FRMD4B: variants seen among roughly 807,000 people sequenced by gnomAD.
The protein encoded by FRMD4B is FERM domain-containing protein 4B.
A neutral mutation model predicts 141.5 loss-of-function variants in FRMD4B; 74 were observed. The ratio of observed to expected loss-of-function variants is 0.52; its 90% CI spans 0.43 to 0.63. The LOEUF is 0.63. Among genes scored for constraint, FRMD4B ranks in the 30% least tolerant of loss-of-function variants. FRMD4B has a pLI of 0.00. For missense variants in FRMD4B, 1,366 were observed against 1,253.4 expected, an observed-to-expected ratio of 1.09 and a Z score of -1.36; for synonymous variants, 506 against 467.9, an observed-to-expected ratio of 1.08 and a Z score of -1.05.
chr3:69,282,395 CA>C (rs374424451), intron 5 of FRMD4B, among the ~76,000 whole-genome samples: 347 of 152,268 alleles, frequency 2.3e-3, no homozygotes, highest in African/African-American at 8.1e-3. Flanking sequence ...CCTGAGTTAA[CA>C]GCAGCTACCA....
intron 11 of FRMD4B, among the ~76,000 whole-genome samples, chr3:69,210,955 G>A (rs1257051139): frequency 7.0e-6 from 1 of 143,874 alleles, no homozygotes; most frequent in African/African-American, 2.5e-5. Context: ...AGGGGTTGCA[G>A]TGAGCTGAGC....
intron 17 of FRMD4B, among the ~76,000 whole-genome samples, chr3:69,191,593 C>CT (rs1382104869): frequency 6.6e-6 from 1 of 152,140 alleles, no homozygotes; most frequent in East Asian, 1.9e-4. Flanking sequence ...TGAAGGGAAG[C>CT]TCTCCAACCA....
chr3:69,382,821 C>T lies in FRMD4B; in HGVS notation c.162+3007G>A, dbSNP rs1046102730. ...GGCCTGAAACTGCTGTGATTATCTGCTATTGTGAGGGAAGAAACCAGCTGA... is the reference window on the plus strand; with the variant it reads ...GGCCTGAAACTGCTGTGATTATCTGTTATTGTGAGGGAAGAAACCAGCTGA... On this transcript the variant is annotated intron_variant, in intron 1 of 22. Coordinates refer to ENST00000398540, the MANE Select transcript of FRMD4B (RefSeq NM_015123.3). Among the ~76,000 whole-genome samples, 3 of 150,138 alleles carry T rather than the reference C, an allele frequency of 2.0e-5. No homozygotes were observed. In the Admixed American group the frequency reaches 2.0e-4, roughly 10 times the overall value.
chr3:69,468,169 T>A (rs78092325), intron 1 of FRMD4B, among the ~76,000 whole-genome samples: 1 of 150,450 alleles, frequency 6.6e-6, no homozygotes, highest in Non-Finnish European at 1.5e-5. Flanking sequence ...AGTTTTTTTT[T>A]AAATTACAGG....
chr3:69,368,367 C>G (rs1395779941), intron 1 of FRMD4B, among the ~76,000 whole-genome samples: 2 of 152,146 alleles, frequency 1.3e-5, no homozygotes, highest in Non-Finnish European at 2.9e-5. Context: ...GCTGTTCATC[C>G]CATTACAACA....
chr3:69,316,529 CT>C (rs2107256671), intron 1 of FRMD4B, among the ~76,000 whole-genome samples: 1 of 148,078 alleles, frequency 6.8e-6, no homozygotes, highest in South Asian at 2.1e-4. Context: ...TCTTTTTTTT[CT>C]GCTTTTCTAT....
chr3:69,301,693 T>C (rs993694182), intron 4 of FRMD4B, among the ~76,000 whole-genome samples: 1 of 152,212 alleles, frequency 6.6e-6, no homozygotes, highest in African/African-American at 2.4e-5. Context: ...AGTTCTATCA[T>C]GAGATGGATT....
chr3:69,262,397 G>T (rs561090239), intron 5 of FRMD4B, among the ~76,000 whole-genome samples: 1 of 151,132 alleles, frequency 6.6e-6, no homozygotes, highest in Admixed American at 6.6e-5. Context: ...TCAAAGACAG[G>T]CACTAGGATC....
chr3:69,395,439 G>A (rs1704457931), intron 2 of FRMD4B, among the ~76,000 whole-genome samples: 3 of 152,096 alleles, frequency 2.0e-5, no homozygotes. Context: ...GGCTTGCAAA[G>A]TATTAAAATA....
intron 4 of FRMD4B, among the ~76,000 whole-genome samples, chr3:69,289,112 A>C (rs1357022424): frequency 1.3e-5 from 2 of 152,200 alleles, no homozygotes; most frequent in Admixed American, 1.3e-4. Flanking sequence ...TGAGAAGAGA[A>C]AGTTAAGTAC....
chr3:69,257,511 T>C (rs2093500101), intron 5 of FRMD4B, among the ~76,000 whole-genome samples: 1 of 152,218 alleles, frequency 6.6e-6, no homozygotes, highest in Non-Finnish European at 1.5e-5. Context: ...GAAGTTGAAT[T>C]ATAAATTTGT....
intron 1 of FRMD4B, among the ~76,000 whole-genome samples, chr3:69,521,803 T>C (rs6549228): frequency 0.6 from 90,941 of 151,986 alleles, 29,225 homozygotes; most frequent in African/African-American, 0.86. Flanking sequence ...TGGCGGGGTC[T>C]TTCTCAGCTT....
chr3:69,303,638 C>A (rs556882095), intron 3 of FRMD4B, among the ~76,000 whole-genome samples: 8 of 152,234 alleles, frequency 5.3e-5, no homozygotes, highest in Non-Finnish European at 1.2e-4. Flanking sequence ...AAATAAAACA[C>A]ACAGGCTGGG....
At chr3:69,201,865 G>A (rs753562132) in intron 11 of FRMD4B, among the ~76,000 whole-genome samples, 1 of 152,130 alleles carries the variant, frequency 6.6e-6, no homozygotes, top group Non-Finnish European at 1.5e-5. Flanking sequence ...TATCTTAGAA[G>A]ATAAATAAAA....
chr3:69,300,265 T>C (rs1217281942), intron 4 of FRMD4B, among the ~76,000 whole-genome samples: 1 of 152,214 alleles, frequency 6.6e-6, no homozygotes, highest in African/African-American at 2.4e-5. Flanking sequence ...AACTACTTAA[T>C]TGGAATAATA....
intron 1 of FRMD4B, among the ~76,000 whole-genome samples, chr3:69,498,877 T>C (rs1176755602): frequency 6.6e-6 from 1 of 152,214 alleles, no homozygotes; most frequent in Non-Finnish European, 1.5e-5. Flanking sequence ...TATTTCCAAC[T>C]TAATAATATC....
chr3:69,219,658 G>A (rs559914453), intron 9 of FRMD4B, among the ~76,000 whole-genome samples: 2 of 151,784 alleles, frequency 1.3e-5, no homozygotes, highest in East Asian at 3.9e-4. Context: ...TGTGCAGGAT[G>A]TGCAGGTTTG....
At chr3:69,395,599 A>G (rs1475153525) in intron 2 of FRMD4B, among the ~76,000 whole-genome samples, 1 of 152,238 alleles carries the variant, frequency 6.6e-6, no homozygotes, top group African/African-American at 2.4e-5. Context: ...CAGTAAGAGC[A>G]AAAGAAAAGA....
At chr3:69,180,844 A>G in intron 21 of FRMD4B, 55 bp downstream of exon 21, 1 of 1,295,398 alleles carries the variant, frequency 7.7e-7, no homozygotes, top group South Asian at 1.4e-5. Flanking sequence ...TTAGGTGGGC[A>G]GGAAACACGA....
Sources: gnomAD v4.1 joint callset for allele counts (sites outside exome capture counted in the v4.1 genomes callset) on GRCh38, gnomAD v4.1.1 for gene constraint, MANE v1.5 for transcripts, NCBI Gene and HGNC (gene_info 2026-07-23, HGNC 2026-07-21) for gene names.